AGBL4: variants seen among roughly 807,000 people sequenced by gnomAD.
The protein encoded by AGBL4 is AGBL carboxypeptidase 4, also known as cytosolic carboxypeptidase 6.
AGBL4 carries 58 observed loss-of-function variants against 66.4 expected under a neutral mutation model. The observed-to-expected ratio is 0.87, with a 90% confidence interval of 0.71 to 1.09. The LOEUF (loss-of-function observed/expected upper bound fraction) is 1.09. AGBL4 is among the 50% of genes least tolerant of loss of function. AGBL4 has a pLI of 0.00. For missense variants in AGBL4, 579 were observed against 631.0 expected (o/e 0.92, Z 0.88); for synonymous variants, 234 against 222.9 (o/e 1.05, Z -0.44).
intron 9 of AGBL4, among the ~76,000 whole-genome samples, chr1:48,619,064 G>T (rs1557832471): frequency 6.6e-6 from 1 of 152,162 alleles, no homozygotes; most frequent in East Asian, 1.9e-4. Flanking sequence ...CTGGGCCCCT[G>T]GTGAGCATGC....
chr1:49,202,932 A>G (rs1054473662), intron 4 of AGBL4, among the ~76,000 whole-genome samples: 5 of 152,060 alleles, frequency 3.3e-5, no homozygotes, highest in African/African-American at 1.2e-4. Flanking sequence ...ATCTGATTTT[A>G]AAATGGGAAA....
At chr1:49,301,148 T>C (rs1436814684) in intron 3 of AGBL4, among the ~76,000 whole-genome samples, 1 of 152,268 alleles carries the variant, frequency 6.6e-6, no homozygotes, top group Non-Finnish European at 1.5e-5. Flanking sequence ...AGGCATTCAC[T>C]GATCAGTATC....
chr1:49,029,325 A>T (rs1249354260), intron 5 of AGBL4, among the ~76,000 whole-genome samples: 2 of 152,144 alleles, frequency 1.3e-5, no homozygotes, highest in Non-Finnish European at 2.9e-5. Context: ...GGAATCTAAT[A>T]AAAAACAATT....
intron 3 of AGBL4, among the ~76,000 whole-genome samples, chr1:49,248,209 A>G (rs980087030): frequency 2.0e-5 from 3 of 152,194 alleles, no homozygotes; most frequent in Non-Finnish European, 4.4e-5. Flanking sequence ...TAACCACGAA[A>G]ATAATAATAA....
the AGBL4 span, among the ~76,000 whole-genome samples, chr1:48,527,801 A>G: frequency 2.0e-5 from 3 of 152,134 alleles, no homozygotes. Context: ...AGGAATAACC[A>G]GTGGGATTTG....
chr1:49,185,011 G>A (rs1646990747), intron 4 of AGBL4, among the ~76,000 whole-genome samples: 2 of 152,080 alleles, frequency 1.3e-5, no homozygotes, highest in Non-Finnish European at 2.9e-5. Context: ...ATATGTATTT[G>A]ATCCCCACAA....
At chr1:48,556,527 T>C (rs1225128616) in intron 11 of AGBL4, among the ~76,000 whole-genome samples, 1 of 152,232 alleles carries the variant, frequency 6.6e-6, no homozygotes, top group Non-Finnish European at 1.5e-5. Context: ...ATGCCACTTG[T>C]CATCTTCCCT....
chr1:48,895,934 T>C (rs1173465028), intron 5 of AGBL4, among the ~76,000 whole-genome samples: 2 of 152,198 alleles, frequency 1.3e-5, no homozygotes, highest in African/African-American at 4.8e-5. Context: ...AGTTCTACAT[T>C]TGGGACCGGT....
chr1:49,860,616 C>A (rs1646546246), intron 1 of AGBL4, among the ~76,000 whole-genome samples: 1 of 152,114 alleles, frequency 6.6e-6, no homozygotes, highest in African/African-American at 2.4e-5. Flanking sequence ...GAAGAATCAC[C>A]TCAGCCCAGG....
rs1417383440 is a variant in AGBL4 at position 48,649,682 on chromosome 1, T to C, written c.839+3655A>G. Reference sequence around the variant, plus strand: ...TTCACTATAAATACCACAGAATAGGTACTTGTATTATTAAATCTAAACTTA... The same window carrying C: ...TTCACTATAAATACCACAGAATAGGCACTTGTATTATTAAATCTAAACTTA... On this transcript the variant is annotated intron_variant, in intron 8 of 13. Coordinates refer to ENST00000371839, the MANE Select transcript of AGBL4 (RefSeq NM_032785.4). Among the ~76,000 whole-genome samples the C allele has an allele frequency of 2.6e-5, 4 of 152,286 alleles. No individual in the cohort carries two copies. The East Asian group carries it at 5.8e-4, about 22-fold the overall frequency.
chr1:48,846,445 T>C (rs1646920359), intron 6 of AGBL4, among the ~76,000 whole-genome samples: 1 of 149,970 alleles, frequency 6.7e-6, no homozygotes, highest in African/African-American at 2.4e-5. Flanking sequence ...GTAGGCAAAA[T>C]AAATAGTGGG....
intron 6 of AGBL4, chr1:48,742,688 T>G (rs1355958680): frequency 7.4e-6 from 12 of 1,611,648 alleles, no homozygotes; most frequent in Non-Finnish European, 9.3e-6. Context: ...GACGACGTAT[T>G]TGCTTCCTCA....
intron 3 of AGBL4, among the ~76,000 whole-genome samples, chr1:49,286,248 C>A (rs911966301): frequency 1.0e-3 from 158 of 152,178 alleles, no homozygotes; most frequent in African/African-American, 3.7e-3. Flanking sequence ...AACCCACAGC[C>A]AATATCATAC....
intron 1 of AGBL4, among the ~76,000 whole-genome samples, chr1:50,014,715 G>A (rs1338887194): frequency 1.3e-5 from 2 of 151,708 alleles, no homozygotes; most frequent in African/African-American, 4.8e-5. Flanking sequence ...AGTAGAGACG[G>A]GGATTCACCA....
At chr1:49,934,113 A>G (rs947709625) in intron 1 of AGBL4, among the ~76,000 whole-genome samples, 5 of 152,206 alleles carry the variant, frequency 3.3e-5, no homozygotes, top group South Asian at 2.1e-4. Context: ...GGATAAAATC[A>G]TCATAAGTAG....
chr1:49,682,023 A>G (rs1646704432), intron 3 of AGBL4, among the ~76,000 whole-genome samples: 1 of 152,220 alleles, frequency 6.6e-6, no homozygotes, highest in Non-Finnish European at 1.5e-5. Flanking sequence ...AAAAAAGTAC[A>G]GCAAACTATT....
At chr1:48,963,074 G>T (rs1398656746) in intron 5 of AGBL4, among the ~76,000 whole-genome samples, 1 of 149,588 alleles carries the variant, frequency 6.7e-6, no homozygotes, top group Non-Finnish European at 1.5e-5. Context: ...CCACAGACTG[G>T]GTAATTTTCT....
intron 4 of AGBL4, among the ~76,000 whole-genome samples, chr1:49,059,847 C>A (rs1032972268): frequency 6.6e-6 from 1 of 152,092 alleles, no homozygotes; most frequent in African/African-American, 2.4e-5. Context: ...GCCTGTTGGT[C>A]AATTTCTCCC....
intron 4 of AGBL4, among the ~76,000 whole-genome samples, chr1:49,213,132 T>C (rs920636309): frequency 2.6e-5 from 4 of 152,104 alleles, no homozygotes; most frequent in Admixed American, 2.6e-4. Context: ...GAAGGGTAAA[T>C]AGATAAAACA....
Sources: gnomAD v4.1 joint callset for allele counts (sites outside exome capture counted in the v4.1 genomes callset) on GRCh38, gnomAD v4.1.1 for gene constraint, MANE v1.5 for transcripts, NCBI Gene and HGNC (gene_info 2026-07-23, HGNC 2026-07-21) for gene names.